Variants in RGS5 observed in about 807,000 individuals in gnomAD.
The protein encoded by RGS5 is regulator of G-protein signalling 5.
RGS5 carries 20 observed loss-of-function variants against 18.9 expected under a neutral mutation model. That is an observed-to-expected ratio of 1.06 (90% CI 0.74 to 1.54). RGS5 has a LOEUF of 1.54. Ranked by LOEUF, RGS5 falls within the 40% of genes most tolerant of loss-of-function variation. The pLI, the probability that RGS5 is intolerant of heterozygous loss-of-function variation, is 0.00. For synonymous variants in RGS5, 57 were observed against 76.2 expected, an observed-to-expected ratio of 0.75 and a Z score of 1.31; for missense variants, 201 against 211.8, an observed-to-expected ratio of 0.95 and a Z score of 0.32.
intron 2 of RGS5, among the ~76,000 whole-genome samples, chr1:163,303,292 G>A (rs2101643613): frequency 6.6e-6 from 1 of 152,238 alleles, no homozygotes; most frequent in East Asian, 1.9e-4. Context: ...TAAGTGAATT[G>A]CATCTCAGTG....
intron 2 of RGS5, among the ~76,000 whole-genome samples, chr1:163,246,497 G>A: frequency 6.6e-6 from 1 of 151,968 alleles, no homozygotes; most frequent in African/African-American, 2.4e-5. Flanking sequence ...CTTGAACCCA[G>A]GAGGTGGAGG....
intron 1 of RGS5, among the ~76,000 whole-genome samples, chr1:163,180,694 T>TTTG (rs1557893069): frequency 8.2e-6 from 1 of 122,340 alleles, no homozygotes; most frequent in South Asian, 3.2e-4. Flanking sequence ...CTGTTTTTTT[T>TTTG]TTTTTTTTTT....
At chr1:163,292,170 A>AC (rs1405360535) in intron 2 of RGS5, among the ~76,000 whole-genome samples, 2 of 151,352 alleles carry the variant, frequency 1.3e-5, no homozygotes, top group Non-Finnish European at 2.9e-5. Flanking sequence ...TCTCTCTTCT[A>AC]CCCCCCACCC....
At chr1:163,158,702 A>C (rs1657682521) in intron 3 of RGS5, among the ~76,000 whole-genome samples, 1 of 152,192 alleles carries the variant, frequency 6.6e-6, no homozygotes, top group Admixed American at 6.6e-5. Flanking sequence ...AGGCAGGGCA[A>C]GATCACAGGA....
intron 2 of RGS5, among the ~76,000 whole-genome samples, chr1:163,228,623 T>C (rs1647394546): frequency 6.6e-6 from 1 of 152,236 alleles, no homozygotes. Context: ...TCCTGATTAC[T>C]TATGTAAATT....
rs1656953393 is a variant in RGS5, at chr1:163,142,323, A to G, written c.*5019T>C. On this transcript the variant is annotated 3_prime_UTR_variant, in exon 5 of 5. Transcript: ENST00000313961. ...AGGCTGTTATATAGATATATATTTAATATAATATGTGTGATTGTGGTTACA... is the reference window on the plus strand; with the variant it reads ...AGGCTGTTATATAGATATATATTTAGTATAATATGTGTGATTGTGGTTACA... 6.6e-6 allele frequency: 1 copy of G among 152,160 alleles called. No individual in the cohort carries two copies. Among genetic ancestry groups the G allele is most frequent in the African/African-American group, 2.4e-5 (1 of 41,450 alleles). The allele number at this position is 152,160 out of a possible 1,614,324, so 9.4% of individuals were successfully genotyped here.
At chr1:163,183,218 C>T (rs1490637354) in intron 1 of RGS5, among the ~76,000 whole-genome samples, 3 of 152,166 alleles carry the variant, frequency 2.0e-5, no homozygotes, top group Non-Finnish European at 1.5e-5. Context: ...AGAATTAGAT[C>T]TCAAACCATT....
intron 1 of RGS5, among the ~76,000 whole-genome samples, chr1:163,187,444 C>T (rs994781054): frequency 1.4e-4 from 21 of 152,082 alleles, no homozygotes; most frequent in South Asian, 4.2e-4. Flanking sequence ...TGTGTTAGGC[C>T]TCAGGAAACA....
At chr1:163,147,700 T>C (rs1399329835) in intron 4 of RGS5, among the ~76,000 whole-genome samples, 197 bp from the exon 5 acceptor site, 1 of 152,136 alleles carries the variant, frequency 6.6e-6, no homozygotes, top group Non-Finnish European at 1.5e-5. Context: ...CAACCGGTAT[T>C]AGACACCCAC....
At chr1:163,192,630 T>C (rs1659404251) in intron 1 of RGS5, among the ~76,000 whole-genome samples, 2 of 152,194 alleles carry the variant, frequency 1.3e-5, no homozygotes. Context: ...TTTATCCAAG[T>C]CATAAACAAT....
chr1:163,289,761 G>T (rs1457471719), intron 2 of RGS5, among the ~76,000 whole-genome samples: 1 of 152,030 alleles, frequency 6.6e-6, no homozygotes, highest in Non-Finnish European at 1.5e-5. Context: ...ATCTCATATT[G>T]ATACAGGAGC....
intron 2 of RGS5, 74 bp downstream of exon 2, chr1:163,168,184 G>T: frequency 2.8e-6 from 3 of 1,088,784 alleles, no homozygotes; most frequent in Non-Finnish European, 4.2e-6. Context: ...TTCTACAGAT[G>T]AGGAATGGTG....
At chr1:163,239,354 C>T (rs1647723160) in intron 2 of RGS5, among the ~76,000 whole-genome samples, 2 of 151,426 alleles carry the variant, frequency 1.3e-5, no homozygotes, top group Admixed American at 1.3e-4. Context: ...GGCGTGGTGG[C>T]CTGTGCCTGT....
intron 1 of RGS5, among the ~76,000 whole-genome samples, chr1:163,192,373 G>A (rs1015820305): frequency 2.0e-5 from 3 of 152,122 alleles, no homozygotes; most frequent in Non-Finnish European, 4.4e-5. Flanking sequence ...GAATTTCTTG[G>A]TGGGGAAATC....
intron 2 of RGS5, among the ~76,000 whole-genome samples, chr1:163,300,896 CA>C (rs1363591647): frequency 9.9e-5 from 15 of 152,110 alleles, no homozygotes; most frequent in African/African-American, 3.1e-4. Context: ...ACTCTGAATA[CA>C]AAGTGAGAAT....
intron 2 of RGS5, among the ~76,000 whole-genome samples, chr1:163,271,457 C>T (rs1648715220): frequency 6.6e-6 from 1 of 152,244 alleles, no homozygotes; most frequent in South Asian, 2.1e-4. Context: ...TGGCCATCTG[C>T]AAACCAGTAA....
chr1:163,274,142 G>A (rs540017679), intron 2 of RGS5, among the ~76,000 whole-genome samples: 26 of 152,228 alleles, frequency 1.7e-4, no homozygotes, highest in African/African-American at 6.0e-4. Context: ...GAGTGCCTTT[G>A]TAATCATAAT....
At chr1:163,275,922 C>G (rs1404419504) in intron 2 of RGS5, among the ~76,000 whole-genome samples, 3 of 152,086 alleles carry the variant, frequency 2.0e-5, no homozygotes, top group African/African-American at 4.8e-5. Flanking sequence ...GCCTCCAAAT[C>G]CTCCAAATCA....
chr1:163,214,118 C>T (rs1326897855), intron 1 of RGS5, among the ~76,000 whole-genome samples: 1 of 152,130 alleles, frequency 6.6e-6, no homozygotes, highest in African/African-American at 2.4e-5. Context: ...AGTATGATTA[C>T]TGTTGCAAAC....
Sources: gnomAD v4.1 joint callset for allele counts (sites outside exome capture counted in the v4.1 genomes callset) on GRCh38, gnomAD v4.1.1 for gene constraint, MANE v1.5 for transcripts, NCBI Gene and HGNC (gene_info 2026-07-23, HGNC 2026-07-21) for gene names.